EIF4EBP1: variants seen among roughly 807,000 people sequenced by gnomAD.
EIF4EBP1 encodes the protein eukaryotic translation initiation factor 4E binding protein 1.
Under a neutral mutation model 9.2 loss-of-function variants are expected in EIF4EBP1, and 5 were observed. The ratio of observed to expected loss-of-function variants is 0.54; its 90% CI spans 0.28 to 1.14. The LOEUF (loss-of-function observed/expected upper bound fraction) is 1.14. Among genes scored for constraint, EIF4EBP1 ranks in the 50% most tolerant of loss-of-function variants. EIF4EBP1 has a pLI of 0.09. For missense variants in EIF4EBP1, 139 were observed against 169.6 expected (o/e 0.82, Z 1.00); for synonymous variants, 62 against 67.0 (o/e 0.93, Z 0.36).
chr8:38,033,152 C>T (rs755965924), intron 1 of EIF4EBP1, among the ~76,000 whole-genome samples: 7 of 150,678 alleles, frequency 4.6e-5, no homozygotes, highest in Non-Finnish European at 8.9e-5. Flanking sequence ...GCAACCTCCA[C>T]CTCCTGGGTT....
intron 1 of EIF4EBP1, among the ~76,000 whole-genome samples, chr8:38,056,339 T>G (rs967206198): frequency 1.3e-5 from 2 of 152,200 alleles, no homozygotes; most frequent in Non-Finnish European, 2.9e-5. Context: ...TATTTTCTGT[T>G]TGGTCATTTG....
intron 1 of EIF4EBP1, among the ~76,000 whole-genome samples, chr8:38,036,145 A>G (rs1342091149): frequency 6.6e-6 from 1 of 151,948 alleles, no homozygotes; most frequent in Non-Finnish European, 1.5e-5. Context: ...AGCTGGGACC[A>G]CAAACCCGGC....
chr8:38,056,061 G>A (rs370613670), intron 1 of EIF4EBP1, among the ~76,000 whole-genome samples: 31 of 152,090 alleles, frequency 2.0e-4, no homozygotes, highest in African/African-American at 7.0e-4. Flanking sequence ...TTGAGATAGG[G>A]TCTCACTGCA....
At position 38,037,633 on chromosome 8, in the gene EIF4EBP1, C is replaced by CCTGAGTT. The variant is rs1197425112; in HGVS notation, c.145+6915_145+6916insCTGAGTT. Among the ~76,000 whole-genome samples, 59 of 152,164 alleles carry CCTGAGTT rather than the reference C, an allele frequency of 3.9e-4. No individual in the cohort carries two copies. The South Asian group carries it at 0.012, about 31-fold the overall frequency. ...TGGTCAGGATAACCTAGTTTTCTTA[C>CCTGAGTT]TGTCAGGCCTGAGTCTCCGCTGGCT... On this transcript the variant is annotated intron_variant, in intron 1 of 2. Coordinates refer to ENST00000338825, the MANE Select transcript of EIF4EBP1 (RefSeq NM_004095.4).
intron 1 of EIF4EBP1, among the ~76,000 whole-genome samples, chr8:38,054,976 C>T (rs757361828): frequency 6.6e-6 from 1 of 152,112 alleles, no homozygotes; most frequent in Non-Finnish European, 1.5e-5. Context: ...CTTTACACCC[C>T]TCCTCCTAAG....
At chr8:38,042,939 C>T (rs1809401847) in intron 1 of EIF4EBP1, among the ~76,000 whole-genome samples, 1 of 152,112 alleles carries the variant, frequency 6.6e-6, no homozygotes, top group Admixed American at 6.6e-5. Flanking sequence ...GTGGCAGGTG[C>T]CTATAATCTC....
intron 1 of EIF4EBP1, among the ~76,000 whole-genome samples, chr8:38,036,593 G>A (rs886706989): frequency 2.0e-5 from 3 of 152,132 alleles, no homozygotes; most frequent in Non-Finnish European, 2.9e-5. Flanking sequence ...ATAAAGTAGC[G>A]AGGCATTTTC....
At chr8:38,037,651 C>T (rs188990070) in intron 1 of EIF4EBP1, among the ~76,000 whole-genome samples, 52 of 152,100 alleles carry the variant, frequency 3.4e-4, no homozygotes, top group Non-Finnish European at 6.6e-4. Flanking sequence ...CCTGAGTCTC[C>T]GCTGGCTTAA....
intron 1 of EIF4EBP1, among the ~76,000 whole-genome samples, chr8:38,032,058 A>G (rs992888864): frequency 4.6e-5 from 7 of 152,184 alleles, no homozygotes; most frequent in Admixed American, 4.6e-4. Context: ...GTCTACCAGG[A>G]CAATTCCTGA....
chr8:38,031,184 G>A (rs976756646), intron 1 of EIF4EBP1, among the ~76,000 whole-genome samples: 4 of 152,196 alleles, frequency 2.6e-5, no homozygotes, highest in South Asian at 2.1e-4. Context: ...TTTTGTGTTG[G>A]ACTCGCGCGC....
chr8:38,043,833 A>C (rs1192753342), intron 1 of EIF4EBP1, among the ~76,000 whole-genome samples: 2 of 152,050 alleles, frequency 1.3e-5, no homozygotes, highest in Non-Finnish European at 2.9e-5. Context: ...AAAGTCTTGG[A>C]CTGAGTGTGC....
At chr8:38,037,269 T>A (rs1427412544) in intron 1 of EIF4EBP1, among the ~76,000 whole-genome samples, 1 of 152,150 alleles carries the variant, frequency 6.6e-6, no homozygotes, top group African/African-American at 2.4e-5. Flanking sequence ...TTGAAAAGAA[T>A]GCTGGAATGA....
chr8:38,059,105 C>G (rs1809635091), intron 2 of EIF4EBP1, among the ~76,000 whole-genome samples: 1 of 152,018 alleles, frequency 6.6e-6, no homozygotes, highest in African/African-American at 2.4e-5. Context: ...GCAAAAACAA[C>G]AAGAGTCAGA....
At chr8:38,038,591 C>T (rs1028431177) in intron 1 of EIF4EBP1, among the ~76,000 whole-genome samples, 15 of 152,150 alleles carry the variant, frequency 9.9e-5, no homozygotes, top group Non-Finnish European at 1.8e-4. Context: ...CAACCTCCGC[C>T]TCTCAGGCTC....
At chr8:38,048,556 TAAGAC>T (rs1190454218) in intron 1 of EIF4EBP1, among the ~76,000 whole-genome samples, 1 of 152,144 alleles carries the variant, frequency 6.6e-6, no homozygotes, top group African/African-American at 2.4e-5. Context: ...TCTCCTAAAC[TAAGAC>T]AAGATTTGGA....
In EIF4EBP1 at chr8:38,030,584, G is replaced by A; in HGVS notation, c.11G>A (p.Gly4Asp). Residue 4 changes from glycine (G) to aspartate (D), a missense_variant, in exon 1 of 3, where the codon GGC (glycine) becomes GAC (aspartate). Coordinates refer to ENST00000338825, the MANE Select transcript of EIF4EBP1 (RefSeq NM_004095.4). ...AGCGCACAGGAGACCATGTCCGGGG[G>A]CAGCAGCTGCAGCCAGACCCCAAGC... Reference protein sequence around the residue: MSGGSSCSQTPSRA... With the variant: MSGDSSCSQTPSRA... 6.6e-7 allele frequency: 1 copy of A among 1,513,790 alleles called. No individual in the cohort carries two copies. Among genetic ancestry groups the A allele is most frequent in the Non-Finnish European group, 8.8e-7 (1 of 1,137,552 alleles). The allele number at this position is 1,513,790 out of a possible 1,614,324, so 93.8% of individuals were successfully genotyped here. A position where few individuals can be genotyped will look rare whatever the true frequency, so the allele number is the denominator to read the frequency against.
intron 1 of EIF4EBP1, among the ~76,000 whole-genome samples, chr8:38,042,032 G>C (rs544919726): frequency 6.6e-6 from 1 of 151,508 alleles, no homozygotes; most frequent in South Asian, 2.1e-4. Context: ...TGGCCATGAT[G>C]CTGGACCGCT....
At position 38,055,651 on chromosome 8, in the gene EIF4EBP1, A is replaced by G. The variant is rs1372170891; in HGVS notation, c.146-1430A>G. ...TATATTAAAAGGAATTGCTATCACT[A>G]CTATATATGGAACACCGGATTCACT... On this transcript the variant is annotated intron_variant, in intron 1 of 2. Coordinates refer to ENST00000338825, the MANE Select transcript of EIF4EBP1 (RefSeq NM_004095.4). Among the ~76,000 whole-genome samples the G allele has an allele frequency of 4.6e-5, 7 of 152,028 alleles. 1 individual carries two copies. Among genetic ancestry groups the G allele is most frequent in the Non-Finnish European group, 8.8e-5 (6 of 67,970 alleles).
chr8:38,047,065 A>C (rs968806014), intron 1 of EIF4EBP1, among the ~76,000 whole-genome samples: 4 of 152,006 alleles, frequency 2.6e-5, no homozygotes, highest in Admixed American at 6.6e-5. Context: ...AACTGGGGTG[A>C]GATGGATGTT....
Sources: allele counts gnomAD v4.1 joint callset (sites outside exome capture counted in the v4.1 genomes callset), GRCh38; gene constraint gnomAD v4.1.1; transcripts MANE v1.5; gene names NCBI Gene and HGNC (gene_info 2026-07-23, HGNC 2026-07-21).